The following OGDH variants were observed in gnomAD, a reference collection of about 807,000 sequenced individuals.
The protein encoded by OGDH is 2-oxoglutarate dehydrogenase complex component E1.
In OGDH, 38 loss-of-function variants were observed where a neutral mutation model predicts 116.6. The ratio of observed to expected loss-of-function variants is 0.33; its 90% CI spans 0.25 to 0.43. OGDH has a LOEUF of 0.43. OGDH is among the 20% of genes least tolerant of loss of function. The pLI is 1.00. For missense variants in OGDH, 825 were observed against 1,357.2 expected (o/e 0.61, Z 6.16); for synonymous variants, 488 against 533.3 (o/e 0.92, Z 1.17).
intron 1 of OGDH, among the ~76,000 whole-genome samples, chr7:44,616,461 G>C (rs1418665418): frequency 6.6e-6 from 1 of 152,000 alleles, no homozygotes; most frequent in African/African-American, 2.4e-5. Context: ...AGCTAAATAG[G>C]CTTCTGTGCT....
At chr7:44,665,123 A>G (rs1462490707) in intron 4 of OGDH, among the ~76,000 whole-genome samples, 1 of 152,196 alleles carries the variant, frequency 6.6e-6, no homozygotes, top group Non-Finnish European at 1.5e-5. Context: ...TCCTCCATAA[A>G]TACTATAGGG....
intron 1 of OGDH, among the ~76,000 whole-genome samples, chr7:44,619,297 T>G (rs775140440): frequency 6.6e-6 from 1 of 152,162 alleles, no homozygotes. Flanking sequence ...GTAAGACAAC[T>G]GGGGGCTTGC....
At chr7:44,644,360 G>A (rs963898960) in intron 2 of OGDH, among the ~76,000 whole-genome samples, 55 of 152,134 alleles carry the variant, frequency 3.6e-4, no homozygotes, top group African/African-American at 1.3e-3. Context: ...TCTGCAAATT[G>A]TAAATCAAAT....
intron 4 of OGDH, among the ~76,000 whole-genome samples, chr7:44,663,918 C>T (rs554650672): frequency 6.6e-6 from 1 of 150,844 alleles, no homozygotes; most frequent in South Asian, 2.1e-4. Context: ...CCAGCCTATG[C>T]GACAGAGTGA....
chr7:44,656,553 A>G (rs891145541), intron 4 of OGDH, among the ~76,000 whole-genome samples: 6 of 152,148 alleles, frequency 3.9e-5, no homozygotes, highest in African/African-American at 1.4e-4. Context: ...AGCTACTTAT[A>G]TGGTATCGTT....
intron 1 of OGDH, among the ~76,000 whole-genome samples, chr7:44,620,997 A>G (rs1784987214): frequency 6.6e-6 from 1 of 152,266 alleles, no homozygotes. Flanking sequence ...TGTCAGTTAC[A>G]GAATTCTAAG....
intron 18 of OGDH, 85 bp downstream of exon 18, chr7:44,698,348 T>A: frequency 7.2e-7 from 1 of 1,384,644 alleles, no homozygotes; most frequent in Non-Finnish European, 1.0e-6. Flanking sequence ...CTGGTCATCC[T>A]GAAGTGGCAG....
intron 2 of OGDH, among the ~76,000 whole-genome samples, chr7:44,641,225 CTTTTTTT>C (rs1175522868): frequency 2.7e-4 from 22 of 81,644 alleles, no homozygotes; most frequent in Non-Finnish European, 4.6e-4. Context: ...TTTTTTTTTT[CTTTTTTT>C]TTTTTTTTTT....
At chr7:44,623,239 G>T (rs6949541) in intron 1 of OGDH, among the ~76,000 whole-genome samples, 4 of 151,796 alleles carry the variant, frequency 2.6e-5, no homozygotes, top group Non-Finnish European at 4.4e-5. Flanking sequence ...GCAGTGCCTC[G>T]TCTTCCCTCC....
chr7:44,668,518 C>G (rs924073841), intron 5 of OGDH, among the ~76,000 whole-genome samples: 1 of 152,190 alleles, frequency 6.6e-6, no homozygotes, highest in Admixed American at 6.5e-5. Context: ...TTGTCAGCAT[C>G]TCAGCTTGGA....
intron 2 of OGDH, among the ~76,000 whole-genome samples, chr7:44,642,920 TC>T (rs1287379413): frequency 7.7e-6 from 1 of 129,822 alleles, no homozygotes; most frequent in Admixed American, 7.1e-5. Context: ...AGACTCTGTC[TC>T]AAAAAAAAAA....
chr7:44,658,818 T>C (rs1208859326), intron 4 of OGDH, among the ~76,000 whole-genome samples: 1 of 152,166 alleles, frequency 6.6e-6, no homozygotes, highest in Non-Finnish European at 1.5e-5. Context: ...TGCATTGATA[T>C]GATCTTGTGA....
At chr7:44,690,814 T>A (rs1462047119) in intron 10 of OGDH, among the ~76,000 whole-genome samples, 1 of 152,214 alleles carries the variant, frequency 6.6e-6, no homozygotes, top group Non-Finnish European at 1.5e-5. Context: ...CATGTTATGA[T>A]CACTGACTTC....
At chr7:44,673,657 T>C in intron 5 of OGDH, 130 bp from the exon 6 acceptor site, 2 of 884,784 alleles carry the variant, frequency 2.3e-6, no homozygotes, top group Non-Finnish European at 3.6e-6. Context: ...TCAGTCACAC[T>C]TGATTGGAGT....
chr7:44,671,010 C>CA (rs111818473), intron 5 of OGDH, among the ~76,000 whole-genome samples: 8,295 of 67,958 alleles, frequency 0.12, 433 homozygotes, highest in Non-Finnish European at 0.2. Context: ...GACTCCATCT[C>CA]AAAAAAAAAA....
chr7:44,689,104 C>T (rs979002809), intron 10 of OGDH, among the ~76,000 whole-genome samples: 4 of 151,646 alleles, frequency 2.6e-5, no homozygotes, highest in Non-Finnish European at 4.4e-5. Context: ...AGTAGAATTG[C>T]TAGATCATGT....
intron 10 of OGDH, among the ~76,000 whole-genome samples, chr7:44,688,041 C>T (rs766115000): frequency 2.6e-5 from 4 of 152,028 alleles, no homozygotes; most frequent in Non-Finnish European, 5.9e-5. Context: ...AGTTGGCGAA[C>T]GTTTAGATTG....
At chr7:44,700,884 C>A (rs1008001877) in intron 19 of OGDH, among the ~76,000 whole-genome samples, 2 of 152,088 alleles carry the variant, frequency 1.3e-5, no homozygotes, top group African/African-American at 4.8e-5. Flanking sequence ...GGCATGACAG[C>A]GGGCACTTGC....
At chr7:44,647,574 TA>T in intron 3 of OGDH, 82 bp from the exon 4 acceptor site, 1 of 1,568,678 alleles carries the variant, frequency 6.4e-7, no homozygotes, top group East Asian at 2.3e-5. Context: ...AATGTAATTT[TA>T]CTTTTTTTTT....
Sources: gnomAD v4.1 joint callset for allele counts (sites outside exome capture counted in the v4.1 genomes callset) on GRCh38, gnomAD v4.1.1 for gene constraint, MANE v1.5 for transcripts, NCBI Gene and HGNC (gene_info 2026-07-23, HGNC 2026-07-21) for gene names.